MLLT3: variants seen among roughly 807,000 people sequenced by gnomAD.
MLLT3 encodes protein AF-9.
Under a neutral mutation model 53.2 loss-of-function variants are expected in MLLT3, and 4 were observed. That is an observed-to-expected ratio of 0.08 (90% CI 0.04 to 0.17). The LOEUF is 0.17. Ranked by LOEUF, MLLT3 falls within the 10% of genes least tolerant of loss-of-function variation. The pLI is 1.00. For missense variants in MLLT3, 569 were observed against 684.0 expected, an observed-to-expected ratio of 0.83 and a Z score of 1.87; for synonymous variants, 283 against 230.6, an observed-to-expected ratio of 1.23 and a Z score of -2.06.
At chr9:20,587,338 G>C (rs909691133) in intron 2 of MLLT3, among the ~76,000 whole-genome samples, 1 of 151,146 alleles carries the variant, frequency 6.6e-6, no homozygotes, top group African/African-American at 2.4e-5. Context: ...AATTAGGTAG[G>C]AGAAGCCCAT....
chr9:20,607,706 C>CACAGTACA (rs1311813993), intron 2 of MLLT3, among the ~76,000 whole-genome samples: 3 of 151,920 alleles, frequency 2.0e-5, no homozygotes, highest in Non-Finnish European at 4.4e-5. Context: ...TATAGCTTTG[C>CACAGTACA]TATGCATTAG....
At chr9:20,397,105 T>C (rs1449792353) in intron 5 of MLLT3, among the ~76,000 whole-genome samples, 1 of 152,194 alleles carries the variant, frequency 6.6e-6, no homozygotes, top group African/African-American at 2.4e-5. Context: ...TCATCATTTA[T>C]GAGCAAGAAG....
chr9:20,566,012 T>A (rs10964613), intron 2 of MLLT3, among the ~76,000 whole-genome samples: 16 of 129,178 alleles, frequency 1.2e-4, no homozygotes, highest in Admixed American at 2.7e-4. Flanking sequence ...ATATATATAT[T>A]TTTATATATA....
chr9:20,444,320 G>A (rs1250583331), intron 4 of MLLT3, among the ~76,000 whole-genome samples: 2 of 152,018 alleles, frequency 1.3e-5, no homozygotes, highest in African/African-American at 4.8e-5. Context: ...CAAATAGGGA[G>A]GTGCTTCTCC....
chr9:20,544,676 C>T (rs571211031), intron 2 of MLLT3, among the ~76,000 whole-genome samples: 3 of 152,324 alleles, frequency 2.0e-5, no homozygotes, highest in African/African-American at 7.2e-5. Flanking sequence ...ACACTATGAA[C>T]ATTCCTCAAA....
intron 4 of MLLT3, among the ~76,000 whole-genome samples, chr9:20,422,908 T>C (rs573978066): frequency 6.6e-6 from 1 of 152,318 alleles, no homozygotes; most frequent in East Asian, 1.9e-4. Context: ...TCCAGACTGA[T>C]GTAGAAGTTT....
At chr9:20,387,064 T>C (rs1313348558) in intron 5 of MLLT3, among the ~76,000 whole-genome samples, 1 of 152,212 alleles carries the variant, frequency 6.6e-6, no homozygotes, top group Non-Finnish European at 1.5e-5. Context: ...GGACAGAAAA[T>C]ACGTCTTTCT....
chr9:20,430,161 T>C (rs1164420502), intron 4 of MLLT3, among the ~76,000 whole-genome samples: 1 of 152,090 alleles, frequency 6.6e-6, no homozygotes, highest in Non-Finnish European at 1.5e-5. Context: ...AAATAAAGCA[T>C]AAAACTACAC....
intron 2 of MLLT3, among the ~76,000 whole-genome samples, chr9:20,482,161 G>A (rs1824678434): frequency 6.6e-6 from 1 of 152,096 alleles, no homozygotes; most frequent in Non-Finnish European, 1.5e-5. Flanking sequence ...AAAATTATAG[G>A]AGGCCATAGT....
chr9:20,491,447 T>C (rs1340104482), intron 2 of MLLT3, among the ~76,000 whole-genome samples: 3 of 151,938 alleles, frequency 2.0e-5, no homozygotes, highest in Non-Finnish European at 2.9e-5. Flanking sequence ...CGCAATAATA[T>C]AGAAAGACAT....
At chr9:20,364,740 A>G (rs954956708) in intron 6 of MLLT3, among the ~76,000 whole-genome samples, 1 of 152,232 alleles carries the variant, frequency 6.6e-6, no homozygotes. Flanking sequence ...AATCCTTTTC[A>G]AAACATTCAA....
intron 2 of MLLT3, among the ~76,000 whole-genome samples, chr9:20,599,724 C>T (rs1462850296): frequency 6.6e-6 from 1 of 152,088 alleles, no homozygotes; most frequent in African/African-American, 2.4e-5. Flanking sequence ...AATCTATCAT[C>T]CAAAGAGCAA....
chr9:20,419,767 T>A (rs566120122), intron 4 of MLLT3, among the ~76,000 whole-genome samples: 1 of 152,216 alleles, frequency 6.6e-6, no homozygotes, highest in East Asian at 1.9e-4. Flanking sequence ...CATCAACCAC[T>A]GTCCCCGCCA....
chr9:20,586,263 T>C (rs1344380704), intron 2 of MLLT3, among the ~76,000 whole-genome samples: 1 of 151,752 alleles, frequency 6.6e-6, no homozygotes, highest in Non-Finnish European at 1.5e-5. Context: ...AAGGCTGCAG[T>C]GAACCATGAT....
rs559392285 is a variant in MLLT3 at position 20,437,851 on chromosome 9, C to T, written c.420+10272G>A. Among the ~76,000 whole-genome samples, 227 of 152,232 alleles carry T rather than the reference C, an allele frequency of 1.5e-3. 1 individual carries two copies. The highest frequency in any genetic ancestry group is 5.1e-3 in the African/African-American group (212 of 41,530). ...TTTACTTTAAAAAAACAATAAATAA[C>T]TATCTTTTGTGTGAAATTCCCTACA... is the stretch of plus-strand genomic sequence containing the variant. On this transcript the variant is annotated intron_variant, in intron 4 of 10. Transcript: ENST00000380338.
Position 20,420,681 on chromosome 9 carries a change from T to C in MLLT3, c.421-6256A>G, listed in dbSNP as rs536896949. Among the ~76,000 whole-genome samples, 170 of 152,298 alleles carry C rather than the reference T, an allele frequency of 1.1e-3. 1 individual carries two copies. Among genetic ancestry groups the C allele is most frequent in the Non-Finnish European group, 2.0e-3 (136 of 68,032 alleles). On this transcript the variant is annotated intron_variant, in intron 4 of 10. Coordinates refer to ENST00000380338, the MANE Select transcript of MLLT3 (RefSeq NM_004529.4). Reference sequence around the variant, plus strand: ...AACCCACACGCTCATTTAATAATTATACGTAGAATTTTTCTATCTCGTTTT... The same window carrying C: ...AACCCACACGCTCATTTAATAATTACACGTAGAATTTTTCTATCTCGTTTT...
At chr9:20,347,220 ATGT>A (rs1030096171) in intron 10 of MLLT3, among the ~76,000 whole-genome samples, 2 of 152,108 alleles carry the variant, frequency 1.3e-5, no homozygotes, top group Non-Finnish European at 1.5e-5. Flanking sequence ...GTTACATAAG[ATGT>A]TGTCACTTGG....
intron 8 of MLLT3, among the ~76,000 whole-genome samples, chr9:20,355,374 CTG>C (rs1219940543): frequency 2.0e-5 from 3 of 152,180 alleles, no homozygotes; most frequent in Non-Finnish European, 1.5e-5. Flanking sequence ...ATGCACAAAA[CTG>C]ATACAGCTTT....
chr9:20,437,833 T>TA (rs1339307353), intron 4 of MLLT3, among the ~76,000 whole-genome samples: 1 of 152,154 alleles, frequency 6.6e-6, no homozygotes, highest in African/African-American at 2.4e-5. Context: ...ATCTTTACTT[T>TA]AAAAAAACAA....
Sources: gnomAD v4.1 joint callset for allele counts (sites outside exome capture counted in the v4.1 genomes callset) on GRCh38, gnomAD v4.1.1 for gene constraint, MANE v1.5 for transcripts, NCBI Gene and HGNC (gene_info 2026-07-23, HGNC 2026-07-21) for gene names.